The following CFAP36 variants were observed in gnomAD, a reference collection of about 807,000 sequenced individuals.
CFAP36 encodes the protein cilia and flagella associated protein 36.
CFAP36 carries 37 observed loss-of-function variants against 50.5 expected under a neutral mutation model. The observed-to-expected ratio is 0.73, with a 90% CI of 0.56 to 0.96. The LOEUF (loss-of-function observed/expected upper bound fraction) is 0.96, where lower values mean the gene tolerates loss of function less well. Ranked by LOEUF, CFAP36 falls within the 50% of genes least tolerant of loss-of-function variation. The pLI is 0.00. For missense variants in CFAP36, 407 were observed against 396.2 expected (o/e 1.03, Z -0.23); for synonymous variants, 138 against 128.2 (o/e 1.08, Z -0.52).
intron 6 of CFAP36, 192 bp downstream of exon 6, chr2:55,535,955 T>C (rs763570262): frequency 3.9e-5 from 44 of 1,137,408 alleles, no homozygotes; most frequent in Non-Finnish European, 4.7e-5. Context: ...CACCATATTA[T>C]ATAGTACTAT....
At position 55,544,047 on chromosome 2, in the gene CFAP36, G is replaced by T. The variant is rs757368168; in HGVS notation, c.750G>T (p.Glu250Asp). 1.2e-6 allele frequency: 2 copies of T among 1,613,856 alleles called. No homozygotes were observed. Among genetic ancestry groups the T allele is most frequent in the African/African-American group, 2.7e-5 (2 of 74,922 alleles). The change falls in exon 8 of 10, where the codon GAG becomes GAT. Residue 250 changes from glutamate to aspartate, a missense_variant. Transcript: ENST00000349456. Reference protein sequence around the residue: ...PQKDLKIPGLEHASIEGPIAN... With the variant: ...PQKDLKIPGLDHASIEGPIAN... ...AAGACCTGAAGATTCCTGGCTTAGA[G>T]CATGCGAGCATTGAAGGACCAATAG... is the stretch of plus-strand genomic sequence containing the variant.
intron 4 of CFAP36, 99 bp downstream of exon 4, chr2:55,529,091 T>G: frequency 2.4e-6 from 2 of 817,934 alleles, no homozygotes. Context: ...TCATGTACAT[T>G]TATTTCAAGT....
At chr2:55,531,732 A>G (rs746489541) in intron 4 of CFAP36, among the ~76,000 whole-genome samples, 1 of 152,166 alleles carries the variant, frequency 6.6e-6, no homozygotes. Context: ...TTTTTCCCTC[A>G]GGTCCTATTG....
Position 55,544,285 on chromosome 2 carries a change from T to C in CFAP36, c.843T>C (p.Asp281=), listed in dbSNP as rs762497638. 2 of 1,613,872 alleles carry C rather than the reference T, an allele frequency of 1.2e-6. No individual in the cohort carries two copies. Among genetic ancestry groups the C allele is most frequent in the Non-Finnish European group, 1.7e-6 (2 of 1,179,912 alleles). ...AACACTATCTCAAGCAGAAGAGAGA[T>C]AAGTTGATGTCCATGAGAAAGGATA... is the stretch of plus-strand genomic sequence containing the variant. ...QREHYLKQKR[D]KLMSMRKDMR... is the part of the protein sequence containing the mutation. The change falls in exon 9 of 10, where the codon GAT becomes GAC. Residue 281 remains aspartate (D), a synonymous_variant. Transcript: ENST00000349456.
intron 5 of CFAP36, among the ~76,000 whole-genome samples, chr2:55,535,343 T>G (rs1684452773): frequency 1.3e-5 from 2 of 152,184 alleles, no homozygotes; most frequent in South Asian, 4.1e-4. Flanking sequence ...GTATAATGGC[T>G]CTTATCAAGA....
intron 6 of CFAP36, 32 bp downstream of exon 6, chr2:55,535,795 A>C (rs377355014): frequency 5.3e-5 from 81 of 1,541,502 alleles, no homozygotes; most frequent in Non-Finnish European, 6.8e-5. Flanking sequence ...GAAGTATTTT[A>C]TTGCTGTTAT....
chr2:55,530,135 C>T (rs1239228894), intron 4 of CFAP36, among the ~76,000 whole-genome samples: 4 of 152,074 alleles, frequency 2.6e-5, no homozygotes, highest in African/African-American at 7.2e-5. Flanking sequence ...ATTTTGGGGG[C>T]AGGTGTTCCC....
chr2:55,534,564 T>C (rs1162983936), intron 5 of CFAP36, among the ~76,000 whole-genome samples: 1 of 152,236 alleles, frequency 6.6e-6, no homozygotes, highest in East Asian at 1.9e-4. Context: ...TTCTTTTTCT[T>C]TTGGGCCTGT....
intron 7 of CFAP36, chr2:55,539,021 T>C: frequency 9.9e-7 from 1 of 1,007,706 alleles, no homozygotes; most frequent in Non-Finnish European, 1.3e-6. Context: ...ATTTCCCCCA[T>C]ATAGTCCCTG....
intron 6 of CFAP36, among the ~76,000 whole-genome samples, chr2:55,537,231 C>T (rs1252973561): frequency 5.9e-5 from 9 of 152,000 alleles, no homozygotes; most frequent in East Asian, 3.9e-4. Flanking sequence ...ATTAGCCGAG[C>T]GTGGTAGTGC....
intron 7 of CFAP36, chr2:55,539,000 A>G (rs1236960984): frequency 7.2e-6 from 9 of 1,251,070 alleles, no homozygotes; most frequent in Non-Finnish European, 9.4e-6. Flanking sequence ...AATTGAGCAG[A>G]AGGTACAGAG....
chr2:55,528,587 G>T (rs539638638), intron 3 of CFAP36, among the ~76,000 whole-genome samples: 2 of 151,892 alleles, frequency 1.3e-5, no homozygotes, highest in East Asian at 3.9e-4. Context: ...GTAGAGATGG[G>T]GTTTCACCAT....
At position 55,521,989 on chromosome 2, in the gene CFAP36, T is replaced by A. The variant is rs200676816; in HGVS notation, c.116-113T>A. Reference sequence around the variant, plus strand: ...ATTTTTAAAAGATAAACCCTAAGAATTCAAAGCTGAAGAGCTAGGTTGACA... The same window carrying A: ...ATTTTTAAAAGATAAACCCTAAGAAATCAAAGCTGAAGAGCTAGGTTGACA... On this transcript the variant is annotated intron_variant, in intron 1 of 9. Coordinates refer to ENST00000349456, the MANE Select transcript of CFAP36 (RefSeq NM_080667.7). 13 of 593,460 alleles carry A rather than the reference T, an allele frequency of 2.2e-5. No homozygotes were observed. In the East Asian group the frequency reaches 3.6e-4, roughly 17 times the overall value. The allele number at this position is 593,460 out of a possible 1,614,324, so 36.8% of individuals were successfully genotyped here. A position where few individuals can be genotyped will look rare whatever the true frequency, so the allele number is the denominator to read the frequency against.
chr2:55,526,102 A>G (rs997952120), intron 3 of CFAP36, among the ~76,000 whole-genome samples: 2 of 152,258 alleles, frequency 1.3e-5, no homozygotes, highest in Non-Finnish European at 2.9e-5. Flanking sequence ...TGCTTATTCT[A>G]AAGTCAGACC....
Position 55,544,328 on chromosome 2 carries a change from C to G in CFAP36, c.886C>G (p.Gln296Glu), listed in dbSNP as rs200593801. 148 of 1,613,372 alleles carry G rather than the reference C, an allele frequency of 9.2e-5. No individual in the cohort carries two copies. Among genetic ancestry groups the G allele is most frequent in the Non-Finnish European group, 9.8e-5 (116 of 1,179,814 alleles). ...MRKDMRTKQIQNMEQKGKPTG... is the reference protein window; with the variant it reads ...MRKDMRTKQIENMEQKGKPTG... ...AAAGGATATGAGGACTAAACAGATA[C>G]AAAATATGGAGCAGAAAGGAAAACC... is the stretch of plus-strand genomic sequence containing the variant. Residue 296 changes from glutamine to glutamate, a missense_variant, in exon 9 of 10, where the codon CAA (glutamine) becomes GAA (glutamate). Physicochemically the swap from Gln to Glu is conservative, Grantham distance 29 (BLOSUM62 2). Coordinates refer to ENST00000349456, the MANE Select transcript of CFAP36 (RefSeq NM_080667.7).
At chr2:55,525,225 G>A (rs1025476191) in intron 3 of CFAP36, among the ~76,000 whole-genome samples, 1 of 152,134 alleles carries the variant, frequency 6.6e-6, no homozygotes, top group Non-Finnish European at 1.5e-5. Flanking sequence ...ACCAAGACAG[G>A]AGGATTGCTT....
intron 2 of CFAP36, among the ~76,000 whole-genome samples, chr2:55,522,771 C>T (rs552357305): frequency 3.3e-5 from 5 of 152,248 alleles, no homozygotes; most frequent in African/African-American, 1.2e-4. Flanking sequence ...CAGGTGTGAG[C>T]CACTGCCCAG....
Position 55,519,873 on chromosome 2 carries a change from C to G in CFAP36, c.72C>G (p.Asp24Glu). The G allele has an allele frequency of 1.2e-6, 2 of 1,614,250 alleles. No homozygotes were observed. The highest frequency in any genetic ancestry group is 2.2e-5 in the East Asian group (1 of 44,884). Residue 24 changes from aspartate to glutamate, a missense_variant, in exon 1 of 10, where the codon GAC (aspartate) becomes GAG (glutamate). Physicochemically the swap from Asp to Glu is conservative, Grantham distance 45. Transcript: ENST00000349456. ...ESIAGFLRGP[D>E]WSIPILDFVE... is the part of the protein sequence containing the mutation. ...TCGCGGGGTTCCTGCGAGGCCCAGA[C>G]TGGTCCATCCCCATCTTGGACTTTG...
intron 1 of CFAP36, chr2:55,520,535 C>A: frequency 7.2e-7 from 1 of 1,381,236 alleles, no homozygotes. Context: ...CAGGACCATT[C>A]TTGGAACAAA....
Sources: gnomAD v4.1 joint callset for allele counts (sites outside exome capture counted in the v4.1 genomes callset) on GRCh38, gnomAD v4.1.1 for gene constraint, MANE v1.5 for transcripts, NCBI Gene and HGNC (gene_info 2026-07-23, HGNC 2026-07-21) for gene names.